The following GALNT9 variants were observed in gnomAD, a reference collection of about 807,000 sequenced individuals.
The protein encoded by GALNT9 is GalNAc transferase 9.
In GALNT9, 47 loss-of-function variants were observed where a neutral mutation model predicts 63.1. The ratio of observed to expected loss-of-function variants is 0.75; its 90% CI spans 0.59 to 0.95. The LOEUF is 0.95. Among genes scored for constraint, GALNT9 ranks in the 40% least tolerant of loss-of-function variants. GALNT9 has a pLI of 0.00. For missense variants in GALNT9, 829 were observed against 874.8 expected (o/e 0.95, Z 0.66); for synonymous variants, 396 against 365.7 (o/e 1.08, Z -0.94).
chr12:132,256,004 T>C (rs1879095088), intron 5 of GALNT9, among the ~76,000 whole-genome samples: 1 of 152,148 alleles, frequency 6.6e-6, no homozygotes, highest in Non-Finnish European at 1.5e-5. Flanking sequence ...TCCCAAGTGT[T>C]GGGATTACAG....
chr12:132,284,355 AAC>A (rs1300658067), intron 2 of GALNT9: 1 of 152,276 alleles, frequency 6.6e-6, no homozygotes, highest in Non-Finnish European at 1.5e-5. Flanking sequence ...CAGGCTGGCT[AAC>A]ACACACGAGC....
chr12:132,198,250 G>A (rs949988471), intron 9 of GALNT9, among the ~76,000 whole-genome samples: 13 of 152,228 alleles, frequency 8.5e-5, no homozygotes, highest in African/African-American at 1.9e-4. Context: ...GACCCAGAGC[G>A]CGGCCCCACT....
intron 1 of GALNT9, among the ~76,000 whole-genome samples, chr12:132,291,877 C>T (rs1880873081): frequency 6.6e-6 from 1 of 152,216 alleles, no homozygotes; most frequent in African/African-American, 2.4e-5. Flanking sequence ...CGCTCCCCTG[C>T]TGGGAGCCAT....
At chr12:132,240,661 T>A (rs782480562) in intron 6 of GALNT9, 1 of 454,852 alleles carries the variant, frequency 2.2e-6, no homozygotes, top group Non-Finnish European at 4.4e-6. Context: ...CTTCACTCTC[T>A]GCCGTGTTTT....
chr12:132,235,653 C>T (rs1475069432), intron 6 of GALNT9, among the ~76,000 whole-genome samples: 2 of 152,102 alleles, frequency 1.3e-5, no homozygotes, highest in African/African-American at 2.4e-5. Flanking sequence ...GCGGCCCTGG[C>T]GGCCAGCCCC....
At chr12:132,198,032 C>CGAGCTGCCTT (rs1169840105) in intron 9 of GALNT9, 73 bp from the exon 10 acceptor site, 1 of 1,302,936 alleles carries the variant, frequency 7.7e-7, no homozygotes, top group Non-Finnish European at 1.1e-6. Flanking sequence ...ACAGGCCGTG[C>CGAGCTGCCTT]GAGCTGCCTT....
chr12:132,289,004 A>G (rs1555242465), intron 1 of GALNT9, among the ~76,000 whole-genome samples: 1 of 152,102 alleles, frequency 6.6e-6, no homozygotes. Context: ...TCTTATTCAG[A>G]CTGGCATTTT....
intron 6 of GALNT9, among the ~76,000 whole-genome samples, chr12:132,213,787 C>G (rs565537852): frequency 1.2e-4 from 18 of 152,350 alleles, no homozygotes; most frequent in African/African-American, 4.3e-4. Flanking sequence ...TGAGGAGGCC[C>G]CAGCTTGCTG....
intron 1 of GALNT9, among the ~76,000 whole-genome samples, chr12:132,302,838 G>A (rs1881351592): frequency 1.3e-5 from 2 of 152,214 alleles, no homozygotes; most frequent in Admixed American, 6.5e-5. Context: ...AGCTTTCTGT[G>A]CCGCTGGGAT....
In GALNT9 at chr12:132,318,501, A is replaced by G. The variant is rs539643439; in HGVS notation, c.238+10465T>C. Among the ~76,000 whole-genome samples, 11 of 152,356 alleles carry G rather than the reference A, an allele frequency of 7.2e-5. No homozygotes were observed. The East Asian group carries it at 2.1e-3, about 29-fold the overall frequency. ...AGGGACATGAATCCGCCATCCCATC[A>G]GCACAGGGCCTCAGGGCCTCACAGG... On this transcript the variant is annotated intron_variant, in intron 1 of 10. Coordinates refer to ENST00000328957, the MANE Select transcript of GALNT9 (RefSeq NM_001122636.2).
chr12:132,309,682 A>G (rs919870344), intron 1 of GALNT9, among the ~76,000 whole-genome samples: 1 of 152,184 alleles, frequency 6.6e-6, no homozygotes, highest in Non-Finnish European at 1.5e-5. Context: ...CCCCCAGGGG[A>G]GCTGCCCCTG....
chr12:132,277,284 C>T (rs1555241270), intron 2 of GALNT9: 28 of 154,888 alleles, frequency 1.8e-4, no homozygotes. Flanking sequence ...GGACAAGATG[C>T]AGCTTCCGTG....
chr12:132,236,348 T>C lies in GALNT9; in HGVS notation c.1077+11562A>G, dbSNP rs2136894638. ...GGGGCCAAGGGAGCCACATCCAGTG[T>C]GGGGGCTGCGGGCTCCAGGCCTGGT... On this transcript the variant is annotated intron_variant, in intron 6 of 10. Transcript: ENST00000328957. This position sits in a 1 kb window ranked among gnomAD's most constrained non-coding sequence, Gnocchi z 5.6. Among the ~76,000 whole-genome samples, 3 of 151,840 alleles carry C rather than the reference T, an allele frequency of 2.0e-5. No homozygotes were observed. The highest frequency in any genetic ancestry group is 4.4e-5 in the Non-Finnish European group (3 of 67,936).
intron 4 of GALNT9, among the ~76,000 whole-genome samples, chr12:132,260,546 C>T (rs1879336870): frequency 6.6e-6 from 1 of 152,224 alleles, no homozygotes; most frequent in Non-Finnish European, 1.5e-5. Flanking sequence ...GACTTCTGCA[C>T]CTTAGCCCCA....
chr12:132,267,800 C>CAT (rs138324682), intron 2 of GALNT9, among the ~76,000 whole-genome samples: 8 of 140,008 alleles, frequency 5.7e-5, no homozygotes, highest in African/African-American at 2.4e-4. Context: ...CGCACTCACA[C>CAT]GCACTCACAC....
intron 2 of GALNT9, chr12:132,284,589 T>C (rs191797948): frequency 6.6e-6 from 1 of 152,262 alleles, no homozygotes; most frequent in Admixed American, 6.5e-5. Flanking sequence ...AGAATGAAAA[T>C]AAAATAATGT....
chr12:132,290,408 TG>T (rs1880763773), intron 1 of GALNT9, among the ~76,000 whole-genome samples: 2 of 152,130 alleles, frequency 1.3e-5, no homozygotes, highest in African/African-American at 4.8e-5. Context: ...CGCTGTGTCT[TG>T]GGGTGATGGG....
At chr12:132,247,798 TC>T in intron 6 of GALNT9, 111 bp downstream of exon 6, 1 of 1,485,522 alleles carries the variant, frequency 6.7e-7, no homozygotes. Flanking sequence ...GCAGCCACAC[TC>T]GCCCTCACCC....
At chr12:132,221,873 G>A (rs1877465961) in intron 6 of GALNT9, among the ~76,000 whole-genome samples, 1 of 152,096 alleles carries the variant, frequency 6.6e-6, no homozygotes, top group South Asian at 2.1e-4. Flanking sequence ...TTCAGCAAAA[G>A]GTTTCTCAGG....
Sources: allele counts gnomAD v4.1 joint callset (sites outside exome capture counted in the v4.1 genomes callset), GRCh38; gene constraint gnomAD v4.1.1; non-coding constraint Gnocchi (gnomAD v3.1); transcripts MANE v1.5; gene names NCBI Gene and HGNC (gene_info 2026-07-23, HGNC 2026-07-21).